Variants in EYS observed in about 807,000 individuals in gnomAD.
The protein encoded by EYS is EGF-like photoreceptor maintenance factor, also known as protein eyes shut homolog.
EYS carries 250 observed loss-of-function variants against 282.1 expected under a neutral mutation model. That is an observed-to-expected ratio of 0.89 (90% CI 0.80 to 0.98). The LOEUF is 0.98. Ranked by LOEUF, EYS falls within the 50% of genes least tolerant of loss-of-function variation. The pLI is 0.00. For missense variants in EYS, 4,016 were observed against 3,709.0 expected, an observed-to-expected ratio of 1.08 and a Z score of -2.15; for synonymous variants, 1,355 against 1,282.9, an observed-to-expected ratio of 1.06 and a Z score of -1.20.
At chr6:64,196,039 AT>A (rs1176220001) in intron 31 of EYS, among the ~76,000 whole-genome samples, 2 of 152,114 alleles carry the variant, frequency 1.3e-5, no homozygotes, top group East Asian at 3.9e-4. Context: ...ACTCAAACAA[AT>A]TTACAAGAAA....
At chr6:64,866,141 C>T (rs61504631) in intron 19 of EYS, among the ~76,000 whole-genome samples, 8,800 of 151,878 alleles carry the variant, frequency 0.058, 834 homozygotes, top group African/African-American at 0.2. Flanking sequence ...CTGTATCATC[C>T]ATTCTTTGCA....
intron 12 of EYS, among the ~76,000 whole-genome samples, chr6:65,089,555 A>T (rs1774490250): frequency 6.6e-6 from 1 of 152,118 alleles, no homozygotes; most frequent in Non-Finnish European, 1.5e-5. Context: ...CTAGGAAGTA[A>T]CTAACTTGCT....
intron 19 of EYS, among the ~76,000 whole-genome samples, chr6:64,857,439 A>T (rs9351451): frequency 0.15 from 23,218 of 152,036 alleles, 2,009 homozygotes; most frequent in East Asian, 0.43. Context: ...TTCTCTTTTT[A>T]AAAAAAGGTT....
chr6:63,879,751 G>A (rs146561192), intron 35 of EYS, among the ~76,000 whole-genome samples: 2 of 152,088 alleles, frequency 1.3e-5, no homozygotes, highest in African/African-American at 4.8e-5. Flanking sequence ...ATTTCAGCTC[G>A]TTTCCATACA....
At chr6:65,254,077 A>C (rs1205456095) in intron 12 of EYS, among the ~76,000 whole-genome samples, 2 of 151,874 alleles carry the variant, frequency 1.3e-5, no homozygotes, top group African/African-American at 4.8e-5. Context: ...TGCTAAAAGA[A>C]GTCTTTAAAA....
intron 5 of EYS, among the ~76,000 whole-genome samples, chr6:65,412,937 G>A (rs1348811302): frequency 6.6e-6 from 1 of 152,036 alleles, no homozygotes; most frequent in African/African-American, 2.4e-5. Context: ...ATTTCAAAAT[G>A]GGGAGAACTG....
chr6:64,025,271 T>C (rs1169013200), intron 33 of EYS, among the ~76,000 whole-genome samples: 1 of 152,080 alleles, frequency 6.6e-6, no homozygotes, highest in Non-Finnish European at 1.5e-5. Context: ...GCTTCCACTT[T>C]TCCTGTACTT....
chr6:65,179,489 A>T (rs1341209356), intron 12 of EYS, among the ~76,000 whole-genome samples: 1 of 152,154 alleles, frequency 6.6e-6, no homozygotes, highest in Non-Finnish European at 1.5e-5. Flanking sequence ...CGACACATAC[A>T]TCCTCTCAAG....
At chr6:64,791,893 G>C (rs1237320646) in intron 22 of EYS, among the ~76,000 whole-genome samples, 3 of 151,676 alleles carry the variant, frequency 2.0e-5, no homozygotes, top group Non-Finnish European at 4.4e-5. Flanking sequence ...CATATGACTG[G>C]AACAAGATTT....
intron 13 of EYS, among the ~76,000 whole-genome samples, chr6:65,013,480 G>A (rs905758132): frequency 2.6e-5 from 4 of 152,162 alleles, no homozygotes; most frequent in Admixed American, 2.6e-4. Flanking sequence ...TGGTAAACAT[G>A]ATCAATTTCC....
At chr6:65,023,482 G>A (rs1772309155) in intron 13 of EYS, among the ~76,000 whole-genome samples, 1 of 152,108 alleles carries the variant, frequency 6.6e-6, no homozygotes, top group Non-Finnish European at 1.5e-5. Context: ...TTGTGTTTTT[G>A]TTGTTGTTGA....
chr6:64,787,320 G>A (rs1414930174), intron 22 of EYS, among the ~76,000 whole-genome samples: 2 of 152,106 alleles, frequency 1.3e-5, no homozygotes, highest in African/African-American at 4.8e-5. Context: ...ATACATGATT[G>A]ATTGTTTGGG....
intron 12 of EYS, among the ~76,000 whole-genome samples, chr6:65,250,251 G>C (rs1767287214): frequency 6.6e-6 from 1 of 151,980 alleles, no homozygotes; most frequent in Non-Finnish European, 1.5e-5. Flanking sequence ...AGTCTGGAGA[G>C]TGTTCTGGAA....
At chr6:63,869,461 G>A (rs1160463904) in intron 35 of EYS, among the ~76,000 whole-genome samples, 1 of 152,114 alleles carries the variant, frequency 6.6e-6, no homozygotes, top group East Asian at 1.9e-4. Flanking sequence ...CCCAGCAAGT[G>A]CATCAGGATC....
chr6:65,100,074 T>A (rs749347297), intron 12 of EYS, among the ~76,000 whole-genome samples: 1 of 150,864 alleles, frequency 6.6e-6, no homozygotes, highest in Non-Finnish European at 1.5e-5. Flanking sequence ...ATTTAATTGT[T>A]ACCAATTAAG....
intron 28 of EYS, among the ~76,000 whole-genome samples, chr6:64,417,640 A>C (rs1271316303): frequency 6.6e-6 from 1 of 151,238 alleles, no homozygotes; most frequent in Non-Finnish European, 1.5e-5. Context: ...AACTCTAGCA[A>C]ATAATGCATA....
At chr6:64,303,020 C>T (rs1378248165) in intron 30 of EYS, among the ~76,000 whole-genome samples, 3 of 152,122 alleles carry the variant, frequency 2.0e-5, no homozygotes, top group African/African-American at 7.2e-5. Context: ...GGACCCGCAT[C>T]CCCATGCTGA....
intron 35 of EYS, among the ~76,000 whole-genome samples, chr6:63,926,403 T>C (rs1764716812): frequency 6.6e-6 from 1 of 152,228 alleles, no homozygotes; most frequent in African/African-American, 2.4e-5. Flanking sequence ...TAGCATACTG[T>C]ATGTAAAAGT....
intron 19 of EYS, among the ~76,000 whole-genome samples, chr6:64,850,867 A>G (rs1232039655): frequency 6.6e-6 from 1 of 152,114 alleles, no homozygotes; most frequent in Non-Finnish European, 1.5e-5. Flanking sequence ...TGAAATAGCT[A>G]GATGACAACC....
Sources: gnomAD v4.1 joint callset for allele counts (sites outside exome capture counted in the v4.1 genomes callset) on GRCh38, gnomAD v4.1.1 for gene constraint, MANE v1.5 for transcripts, NCBI Gene and HGNC (gene_info 2026-07-23, HGNC 2026-07-21) for gene names.